The following ARID5B variants were observed in gnomAD, a reference collection of about 807,000 sequenced individuals.
ARID5B encodes AT-rich interactive domain-containing protein 5B.
ARID5B carries 13 observed loss-of-function variants against 97.2 expected under a neutral mutation model. The observed-to-expected ratio is 0.13, with a 90% CI of 0.09 to 0.21. The LOEUF is 0.21. Ranked by LOEUF, ARID5B falls within the 10% of genes least tolerant of loss-of-function variation. The pLI, the probability that ARID5B is intolerant of heterozygous loss-of-function variation, is 1.00. For synonymous variants in ARID5B, 556 were observed against 570.3 expected, an observed-to-expected ratio of 0.97 and a Z score of 0.36; for missense variants, 1,210 against 1,465.3, an observed-to-expected ratio of 0.83 and a Z score of 2.84.
chr10:61,958,385 C>T (rs558970733), intron 3 of ARID5B, among the ~76,000 whole-genome samples: 9 of 152,110 alleles, frequency 5.9e-5, no homozygotes, highest in Non-Finnish European at 8.8e-5. Flanking sequence ...CCCGCCACCG[C>T]GCCCGGCTAA....
intron 3 of ARID5B, among the ~76,000 whole-genome samples, chr10:61,974,389 CAG>C (rs1838671413): frequency 6.6e-6 from 1 of 152,076 alleles, no homozygotes; most frequent in African/African-American, 2.4e-5. Flanking sequence ...AAGTGGGGGA[CAG>C]AGAGAAAGAG....
At chr10:61,935,411 T>A (rs6479780) in intron 2 of ARID5B, among the ~76,000 whole-genome samples, 128,866 of 151,968 alleles carry the variant, frequency 0.85, 54,833 homozygotes, top group African/African-American at 0.9. Flanking sequence ...ACAAGCAGGG[T>A]CATGGATGGA....
chr10:61,947,261 C>CTTTT (rs199587188), intron 3 of ARID5B, among the ~76,000 whole-genome samples: 4,937 of 122,308 alleles, frequency 0.04, 287 homozygotes, highest in East Asian at 0.062. Context: ...CACTTACTTT[C>CTTTT]TTTTTTTTTT....
chr10:62,078,264 G>T (rs569211407), intron 8 of ARID5B, among the ~76,000 whole-genome samples: 3 of 152,280 alleles, frequency 2.0e-5, no homozygotes, highest in Admixed American at 1.3e-4. Context: ...CGAGGTGGGT[G>T]GATTGCTTGT....
intron 2 of ARID5B, among the ~76,000 whole-genome samples, chr10:61,921,593 G>T (rs1000214158): frequency 7.9e-5 from 12 of 152,140 alleles, no homozygotes; most frequent in Admixed American, 4.6e-4. Context: ...ACCTGATGCT[G>T]GAAGTGACAT....
At chr10:61,935,325 C>T (rs1844280954) in intron 2 of ARID5B, among the ~76,000 whole-genome samples, 3 of 151,996 alleles carry the variant, frequency 2.0e-5, no homozygotes, top group Admixed American at 2.0e-4. Flanking sequence ...TCAGTCAGTG[C>T]GTGGATAAAC....
At chr10:61,953,588 A>AGTTATGTT (rs1408782137) in intron 3 of ARID5B, among the ~76,000 whole-genome samples, 3 of 152,198 alleles carry the variant, frequency 2.0e-5, no homozygotes, top group Admixed American at 1.3e-4. Context: ...ACTAAACCTC[A>AGTTATGTT]GTAGTCAGTT....
intron 3 of ARID5B, among the ~76,000 whole-genome samples, chr10:61,977,234 C>T (rs1021344832): frequency 3.3e-5 from 5 of 152,222 alleles, no homozygotes; most frequent in Admixed American, 3.3e-4. Flanking sequence ...ATATGTGCCA[C>T]CTTTTCTTTA....
At chr10:62,084,032 A>G (rs141574471) in intron 8 of ARID5B, among the ~76,000 whole-genome samples, 22 of 152,340 alleles carry the variant, frequency 1.4e-4, no homozygotes, top group African/African-American at 4.8e-4. Flanking sequence ...TAGGGAGGGC[A>G]GTTTCCAGTT....
Position 61,963,180 on chromosome 10 carries a change from G to T in ARID5B, c.502+22772G>T, listed in dbSNP as rs147046623. On this transcript the variant is annotated intron_variant, in intron 3 of 9. Coordinates refer to ENST00000279873, the MANE Select transcript of ARID5B (RefSeq NM_032199.3). ...TCTTAAAGAAAAATAAGATATTCCC[G>T]CATGTCTCTCTTTTTTAGTTCCCTA... Among the ~76,000 whole-genome samples, 487 of 152,116 alleles carry T rather than the reference G, an allele frequency of 3.2e-3. 4 individuals are homozygous for T. The highest frequency in any genetic ancestry group is 0.01 in the African/African-American group (427 of 41,482).
At chr10:61,944,101 T>G (rs1844461477) in intron 3 of ARID5B, among the ~76,000 whole-genome samples, 2 of 152,262 alleles carry the variant, frequency 1.3e-5, no homozygotes, top group Non-Finnish European at 2.9e-5. Flanking sequence ...AGAAAGAAAG[T>G]TCAATATGAA....
intron 4 of ARID5B, among the ~76,000 whole-genome samples, chr10:62,032,607 C>T (rs374539613): frequency 6.6e-6 from 1 of 151,812 alleles, no homozygotes; most frequent in African/African-American, 2.4e-5. Flanking sequence ...CCCAGCTGCT[C>T]GGGAGGCTGA....
intron 2 of ARID5B, among the ~76,000 whole-genome samples, chr10:61,903,387 C>T (rs1166659754): frequency 6.6e-6 from 1 of 152,246 alleles, no homozygotes; most frequent in Non-Finnish European, 1.5e-5. Flanking sequence ...CGGCCGCCTC[C>T]CTTCGGCTCT....
intron 8 of ARID5B, among the ~76,000 whole-genome samples, chr10:62,072,898 A>G (rs1425145570): frequency 6.6e-6 from 1 of 152,248 alleles, no homozygotes; most frequent in Non-Finnish European, 1.5e-5. Context: ...GGACATGCAC[A>G]TATATCCAAG....
rs749741986 is a variant in ARID5B at position 61,940,358 on chromosome 10, T to G, written c.452T>G (p.Leu151Arg). The part of the protein sequence containing the change: ...EALLKYRQST[L>R]NSGLNFKDVL... ...CTGCTGAAGTACAGGCAGTCAACCC[T>G]AAACAGTGGACTCAACTTCAAAGAC... The change falls in exon 3 of 10, where the codon CTA becomes CGA. Residue 151 changes from leucine to arginine, a missense_variant. Leu to Arg is a moderately radical substitution (Grantham distance 102). Transcript: ENST00000279873. 6.2e-7 allele frequency: 1 copy of G among 1,614,128 alleles called. No individual in the cohort carries two copies. Among genetic ancestry groups the G allele is most frequent in the Non-Finnish European group, 8.5e-7 (1 of 1,180,002 alleles).
intron 4 of ARID5B, among the ~76,000 whole-genome samples, chr10:62,013,020 C>T (rs767133913): frequency 6.6e-6 from 1 of 152,064 alleles, no homozygotes; most frequent in African/African-American, 2.4e-5. Flanking sequence ...CTCTTATTGC[C>T]AAGATTATTT....
chr10:62,047,027 T>C (rs1839718845), intron 4 of ARID5B: 1 of 151,166 alleles, frequency 6.6e-6, no homozygotes, highest in South Asian at 2.1e-4. Context: ...TGTGTGTGTG[T>C]CTGTGTGTGT....
At chr10:62,018,811 C>A (rs1034740225) in intron 4 of ARID5B, among the ~76,000 whole-genome samples, 2 of 152,106 alleles carry the variant, frequency 1.3e-5, no homozygotes, top group Non-Finnish European at 2.9e-5. Context: ...TTACAGTTCA[C>A]CAAGAACAAT....
chr10:61,930,333 T>C (rs1291398130), intron 2 of ARID5B, among the ~76,000 whole-genome samples: 1 of 152,192 alleles, frequency 6.6e-6, no homozygotes, highest in East Asian at 1.9e-4. Flanking sequence ...GGACTGTCTT[T>C]TCAAAGATCT....
Sources: gnomAD v4.1 joint callset for allele counts (sites outside exome capture counted in the v4.1 genomes callset) on GRCh38, gnomAD v4.1.1 for gene constraint, MANE v1.5 for transcripts, NCBI Gene and HGNC (gene_info 2026-07-23, HGNC 2026-07-21) for gene names.